The following PACRG variants were observed in gnomAD, a reference collection of about 807,000 sequenced individuals.
The protein encoded by PACRG is parkin coregulated gene protein.
Under a neutral mutation model 29.7 loss-of-function variants are expected in PACRG, and 29 were observed. The ratio of observed to expected loss-of-function variants is 0.98; its 90% CI spans 0.73 to 1.33. The LOEUF (loss-of-function observed/expected upper bound fraction) is 1.33, where lower values mean the gene tolerates loss of function less well. PACRG is among the 40% of genes most tolerant of loss of function. The pLI is 0.00. For synonymous variants in PACRG, 116 were observed against 118.7 expected (o/e 0.98, Z 0.15); for missense variants, 279 against 316.2 (o/e 0.88, Z 0.89).
chr6:162,869,473 A>T (rs558089812), intron 2 of PACRG, among the ~76,000 whole-genome samples: 1 of 152,336 alleles, frequency 6.6e-6, no homozygotes, highest in South Asian at 2.1e-4. Context: ...TTGTCAGGAA[A>T]AAAAGCGTGA....
chr6:162,898,744 C>G lies in PACRG; in HGVS notation c.291+84463C>G, dbSNP rs188365611. Among the ~76,000 whole-genome samples, 479 of 152,266 alleles carry G rather than the reference C, an allele frequency of 3.1e-3. 1 individual carries two copies. The highest frequency in any genetic ancestry group is 3.6e-3 in the Non-Finnish European group (248 of 68,006). Reference sequence around the variant, plus strand: ...GAGTGTCTGTCACTTAGGAAGCACACAATAAATATTAGCTATTATCGTTAT... The same window carrying G: ...GAGTGTCTGTCACTTAGGAAGCACAGAATAAATATTAGCTATTATCGTTAT... On this transcript the variant is annotated intron_variant, in intron 2 of 4. Coordinates refer to ENST00000366888, the MANE Select transcript of PACRG (RefSeq NM_001080379.2).
intron 2 of PACRG, among the ~76,000 whole-genome samples, chr6:163,017,024 A>G (rs1806171820): frequency 6.6e-6 from 1 of 152,158 alleles, no homozygotes; most frequent in Non-Finnish European, 1.5e-5. Flanking sequence ...TATATTTAAA[A>G]TTTGTATTGT....
At chr6:162,863,614 G>A (rs1792049790) in intron 2 of PACRG, among the ~76,000 whole-genome samples, 1 of 152,190 alleles carries the variant, frequency 6.6e-6, no homozygotes, top group Non-Finnish European at 1.5e-5. Context: ...TGTGCAATAA[G>A]CAAAAGCTTC....
intron 4 of PACRG, among the ~76,000 whole-genome samples, chr6:163,258,227 C>G (rs551474907): frequency 2.0e-5 from 3 of 152,018 alleles, no homozygotes; most frequent in Non-Finnish European, 4.4e-5. Context: ...ATTTTTGGAA[C>G]CTTATTAAGT....
At chr6:163,021,335 A>G (rs550412912) in intron 2 of PACRG, among the ~76,000 whole-genome samples, 1 of 152,342 alleles carries the variant, frequency 6.6e-6, no homozygotes, top group South Asian at 2.1e-4. Context: ...TACCCAAGAT[A>G]GAAGCCAGGA....
intron 4 of PACRG, among the ~76,000 whole-genome samples, chr6:163,263,622 C>A (rs1358389042): frequency 6.6e-6 from 1 of 152,104 alleles, no homozygotes; most frequent in Non-Finnish European, 1.5e-5. Context: ...ATATCTGGAA[C>A]CAAAGACCCA....
intron 2 of PACRG, among the ~76,000 whole-genome samples, chr6:162,901,283 G>A (rs1238859443): frequency 6.6e-6 from 1 of 152,196 alleles, no homozygotes; most frequent in Non-Finnish European, 1.5e-5. Flanking sequence ...GTTCAAAGAT[G>A]TAATAGCCTT....
chr6:163,181,596 T>G, intron 4 of PACRG, among the ~76,000 whole-genome samples: 1 of 98,506 alleles, frequency 1.0e-5, no homozygotes, highest in Non-Finnish European at 1.9e-5. Context: ...ATTATTTGCT[T>G]GAGGTGGCAA....
chr6:163,200,981 C>A (rs1352575713), intron 4 of PACRG, among the ~76,000 whole-genome samples: 3 of 152,238 alleles, frequency 2.0e-5, no homozygotes, highest in African/African-American at 7.2e-5. Context: ...ATCCGCAGAA[C>A]ATGGGTCCTG....
intron 4 of PACRG, among the ~76,000 whole-genome samples, chr6:163,163,277 T>C (rs1370874058): frequency 6.6e-6 from 1 of 152,144 alleles, no homozygotes; most frequent in East Asian, 1.9e-4. Context: ...GTTGTTGTTG[T>C]TGTTTTCTTT....
intron 2 of PACRG, among the ~76,000 whole-genome samples, chr6:162,976,749 ATCAC>A (rs1464365622): frequency 6.6e-6 from 1 of 152,214 alleles, no homozygotes; most frequent in Non-Finnish European, 1.5e-5. Flanking sequence ...GAAATATACT[ATCAC>A]ACACACAATG....
intron 4 of PACRG, among the ~76,000 whole-genome samples, chr6:163,254,294 T>C (rs1783022599): frequency 6.6e-6 from 1 of 152,082 alleles, no homozygotes; most frequent in Admixed American, 6.5e-5. Context: ...AATATGCGCC[T>C]GAAAGAGAAA....
rs553397330 is a variant in PACRG at position 162,809,107 on chromosome 6, G to A, written c.157-5040G>A. Among the ~76,000 whole-genome samples the A allele has an allele frequency of 5.9e-4, 90 of 151,974 alleles. 1 individual carries two copies. The highest frequency in any genetic ancestry group is 5.0e-3 in the South Asian group (24 of 4,790). ...GTATGTCCTTCTATAAAGCTTAGGT[G>A]GTTACACATGTCATATGTACCTGGA... On this transcript the variant is annotated intron_variant, in intron 1 of 4. Transcript: ENST00000366888.
At chr6:163,310,482 T>TA (rs757919586) in intron 4 of PACRG, 10 of 152,152 alleles carry the variant, frequency 6.6e-5, no homozygotes, top group Non-Finnish European at 1.2e-4. Context: ...AGTAGATGCT[T>TA]AGTCTACAGG....
chr6:163,171,203 C>A (rs2763986), intron 4 of PACRG, among the ~76,000 whole-genome samples: 48,024 of 151,758 alleles, frequency 0.32, 8,837 homozygotes, highest in Middle Eastern at 0.45. Context: ...GTAATGTTAG[C>A]TGCAGAGAAT....
chr6:163,254,125 A>G (rs78814362), intron 4 of PACRG, among the ~76,000 whole-genome samples: 1 of 152,218 alleles, frequency 6.6e-6, no homozygotes, highest in Non-Finnish European at 1.5e-5. Flanking sequence ...ATTTCAACAT[A>G]GCCCTGAGCC....
At chr6:163,114,999 A>G (rs1178885356) in intron 4 of PACRG, among the ~76,000 whole-genome samples, 1 of 152,234 alleles carries the variant, frequency 6.6e-6, no homozygotes, top group Non-Finnish European at 1.5e-5. Flanking sequence ...TGTCAATTAT[A>G]TCTCAACAAA....
intron 1 of PACRG, among the ~76,000 whole-genome samples, chr6:162,763,745 G>T (rs1182069655): frequency 2.6e-5 from 4 of 152,094 alleles, no homozygotes; most frequent in Non-Finnish European, 4.4e-5. Flanking sequence ...CTTAAATAAT[G>T]AATTATTTTC....
chr6:162,913,237 T>C (rs1796439423), intron 2 of PACRG, among the ~76,000 whole-genome samples: 2 of 152,148 alleles, frequency 1.3e-5, no homozygotes, highest in South Asian at 4.1e-4. Flanking sequence ...CATCCCATGG[T>C]CCCAAGCCTT....
Sources: gnomAD v4.1 joint callset for allele counts (sites outside exome capture counted in the v4.1 genomes callset) on GRCh38, gnomAD v4.1.1 for gene constraint, MANE v1.5 for transcripts, NCBI Gene and HGNC (gene_info 2026-07-23, HGNC 2026-07-21) for gene names.